CSMD1: variants seen among roughly 807,000 people sequenced by gnomAD.
CSMD1 encodes the protein CUB and Sushi multiple domains 1, also known as CUB and sushi domain-containing protein 1.
A neutral mutation model predicts 417.5 loss-of-function variants in CSMD1; 213 were observed. That is an observed-to-expected ratio of 0.51 (90% CI 0.46 to 0.57). The LOEUF (loss-of-function observed/expected upper bound fraction) is 0.57. Ranked by LOEUF, CSMD1 falls within the 20% of genes least tolerant of loss-of-function variation. The probability of loss-of-function intolerance (pLI) is 0.00; values close to 1 mark genes in which losing one functional copy is unlikely to be tolerated. For synonymous variants in CSMD1, 2,862 were observed against 1,736.8 expected, an observed-to-expected ratio of 1.65 and a Z score of -16.11; for missense variants, 6,923 against 4,529.7, an observed-to-expected ratio of 1.53 and a Z score of -15.17.
At chr8:4,805,092 A>G (rs184312128) in intron 1 of CSMD1, among the ~76,000 whole-genome samples, 1 of 152,196 alleles carries the variant, frequency 6.6e-6, no homozygotes, top group Non-Finnish European at 1.5e-5. Flanking sequence ...TATCCAACTG[A>G]TAATATAATA....
intron 3 of CSMD1, among the ~76,000 whole-genome samples, chr8:4,414,412 T>G (rs111367542): frequency 6.6e-6 from 1 of 152,276 alleles, no homozygotes; most frequent in South Asian, 2.1e-4. Context: ...CCATTTTCTT[T>G]CATAAAATAA....
intron 3 of CSMD1, among the ~76,000 whole-genome samples, chr8:4,328,419 T>A (rs1799679461): frequency 6.6e-6 from 1 of 152,044 alleles, no homozygotes; most frequent in South Asian, 2.1e-4. Flanking sequence ...TGAGTAGTTT[T>A]AATTTCTTAA....
chr8:3,284,872 T>G (rs1310979081), intron 25 of CSMD1, among the ~76,000 whole-genome samples: 1 of 152,210 alleles, frequency 6.6e-6, no homozygotes, highest in Non-Finnish European at 1.5e-5. Flanking sequence ...AAAATTATAT[T>G]TTAAAACTTC....
At chr8:3,034,674 G>A (rs1194589677) in intron 50 of CSMD1, among the ~76,000 whole-genome samples, 1 of 152,112 alleles carries the variant, frequency 6.6e-6, no homozygotes, top group Non-Finnish European at 1.5e-5. Flanking sequence ...GGAAGACTAG[G>A]ATGCTTCTGT....
intron 1 of CSMD1, among the ~76,000 whole-genome samples, chr8:4,911,206 G>C (rs1390879356): frequency 6.6e-6 from 1 of 152,134 alleles, no homozygotes; most frequent in South Asian, 2.1e-4. Context: ...TAAAGATTTT[G>C]GCTTTTCCTC....
intron 2 of CSMD1, among the ~76,000 whole-genome samples, chr8:4,571,107 T>C (rs1301232384): frequency 1.3e-5 from 2 of 152,186 alleles, no homozygotes; most frequent in Non-Finnish European, 2.9e-5. Context: ...CTGGATTCAC[T>C]GAGGTTTTGA....
intron 49 of CSMD1, among the ~76,000 whole-genome samples, chr8:3,056,040 G>A (rs2128991354): frequency 6.6e-6 from 1 of 152,262 alleles, no homozygotes; most frequent in African/African-American, 2.4e-5. Flanking sequence ...TATGTTATAG[G>A]CAGAATATGT....
chr8:3,222,671 G>A lies in CSMD1; in HGVS notation c.4484+1058C>T, dbSNP rs562153234. On this transcript the variant is annotated intron_variant, in intron 28 of 69. Transcript: ENST00000635120. The stretch of plus-strand genomic sequence containing the variant: ...GGTGCCTCCTAATTTTAAGGAAGAC[G>A]CTACTAGAATTTAACATTAACAAAA... 6.6e-5 allele frequency among the ~76,000 whole-genome samples: 10 copies of A among 152,172 alleles called. No individual in the cohort carries two copies. In the South Asian group the frequency reaches 1.5e-3, roughly 22 times the overall value.
intron 3 of CSMD1, among the ~76,000 whole-genome samples, chr8:4,339,641 T>C (rs1295725760): frequency 4.6e-5 from 7 of 152,116 alleles, no homozygotes; most frequent in Admixed American, 3.3e-4. Flanking sequence ...TAGGAAAACA[T>C]TCATCAGATG....
chr8:4,568,244 AT>A (rs1798710770), intron 2 of CSMD1, among the ~76,000 whole-genome samples: 1 of 152,150 alleles, frequency 6.6e-6, no homozygotes, highest in African/African-American at 2.4e-5. Flanking sequence ...CATCATTTAC[AT>A]TAGGGATTTC....
At chr8:4,030,958 G>T (rs552200151) in intron 4 of CSMD1, among the ~76,000 whole-genome samples, 2 of 152,100 alleles carry the variant, frequency 1.3e-5, no homozygotes, top group African/African-American at 4.8e-5. Flanking sequence ...AACGTAACAA[G>T]AATCACCTTT....
intron 5 of CSMD1, among the ~76,000 whole-genome samples, chr8:3,942,416 G>A (rs555614941): frequency 5.9e-5 from 9 of 152,178 alleles, no homozygotes; most frequent in South Asian, 4.2e-4. Flanking sequence ...CTAAGGCAAA[G>A]CATTACATTT....
intron 1 of CSMD1, among the ~76,000 whole-genome samples, chr8:4,886,241 C>A (rs1323452066): frequency 6.6e-6 from 1 of 152,016 alleles, no homozygotes. Context: ...ACCACTGCCT[C>A]GGCCTCTCAA....
chr8:4,535,417 C>A (rs1033880420), intron 2 of CSMD1, among the ~76,000 whole-genome samples: 2 of 152,046 alleles, frequency 1.3e-5, no homozygotes, highest in African/African-American at 4.8e-5. Context: ...CAATAGAATT[C>A]ATTTGCTTAT....
Position 4,261,183 on chromosome 8 carries a change from A to C in CSMD1, c.415+158770T>G, listed in dbSNP as rs537619331. On this transcript the variant is annotated intron_variant, in intron 3 of 69. Transcript: ENST00000635120. ...AAGTTGTCTATTCTGCTAAATAATC[A>C]TGATTAAGTTAAAAGCTACTAGAGA... Among the ~76,000 whole-genome samples the C allele has an allele frequency of 4.6e-5, 7 of 152,248 alleles. No homozygotes were observed. The East Asian group carries it at 1.2e-3, about 25-fold the overall frequency.
chr8:4,428,846 G>C (rs965202899), intron 2 of CSMD1, among the ~76,000 whole-genome samples: 2 of 152,016 alleles, frequency 1.3e-5, no homozygotes, highest in African/African-American at 2.4e-5. Flanking sequence ...AGCCTCCTGA[G>C]TATCTGGGAT....
intron 25 of CSMD1, among the ~76,000 whole-genome samples, chr8:3,292,332 G>A (rs978240469): frequency 1.3e-5 from 2 of 152,136 alleles, no homozygotes; most frequent in Admixed American, 6.5e-5. Context: ...TTCTGTAGAT[G>A]TCTATTAGGT....
intron 8 of CSMD1, among the ~76,000 whole-genome samples, chr8:3,614,950 C>G (rs1236587091): frequency 2.6e-5 from 4 of 152,160 alleles, no homozygotes; most frequent in South Asian, 2.1e-4. Context: ...ACAAGAGGGA[C>G]ATGAAAGACA....
intron 23 of CSMD1, among the ~76,000 whole-genome samples, chr8:3,343,087 GAATT>G (rs1486387618): frequency 8.6e-5 from 13 of 152,016 alleles, no homozygotes; most frequent in Non-Finnish European, 1.5e-4. Context: ...TTTGTTATTT[GAATT>G]AATATTTCCA....
Sources: gnomAD v4.1 joint callset for allele counts (sites outside exome capture counted in the v4.1 genomes callset) on GRCh38, gnomAD v4.1.1 for gene constraint, MANE v1.5 for transcripts, NCBI Gene and HGNC (gene_info 2026-07-23, HGNC 2026-07-21) for gene names.